Variants in IRS2 observed in about 807,000 individuals in gnomAD.
IRS2 encodes the protein insulin receptor substrate 2.
In IRS2, 28 loss-of-function variants were observed where a neutral mutation model predicts 70.9. The observed-to-expected ratio is 0.39, with a 90% confidence interval of 0.29 to 0.54. IRS2 has a LOEUF of 0.54. Among genes scored for constraint, IRS2 ranks in the 20% least tolerant of loss-of-function variants. The pLI is 0.59. For missense variants in IRS2, 2,081 were observed against 2,024.1 expected (o/e 1.03, Z -0.54); for synonymous variants, 1,217 against 981.9 (o/e 1.24, Z -4.48).
chr13:109,768,930 C>A (rs374384228), intron 1 of IRS2, among the ~76,000 whole-genome samples: 1 of 152,198 alleles, frequency 6.6e-6, no homozygotes, highest in Non-Finnish European at 1.5e-5. Context: ...TCCAACCCTA[C>A]GCATAGGTTA....
chr13:109,758,233 G>C (rs1037162543), intron 1 of IRS2, among the ~76,000 whole-genome samples: 9 of 150,974 alleles, frequency 6.0e-5, no homozygotes, highest in Non-Finnish European at 8.8e-5. Flanking sequence ...AAATGAGCTT[G>C]CATTTTGTCC....
Position 109,754,076 on chromosome 13 carries a change from C to T in IRS2, c.*2228G>A, listed in dbSNP as rs1005111670. On this transcript the variant is annotated 3_prime_UTR_variant, in exon 2 of 2. Transcript: ENST00000375856. ...AACATCTTGATATCCAGAAACAATA[C>T]GTACCCAAAAAGAAAACACTGTTTA... 7 of 230,924 alleles carry T rather than the reference C, an allele frequency of 3.0e-5. No individual in the cohort carries two copies. Among genetic ancestry groups the T allele is most frequent in the African/African-American group, 6.6e-5 (3 of 45,176 alleles). The allele number at this position is 230,924 out of a possible 1,614,324, so 14.3% of individuals were successfully genotyped here. A position where few individuals can be genotyped will look rare whatever the true frequency, so the allele number is the denominator to read the frequency against.
At chr13:109,768,986 C>T (rs538089203) in intron 1 of IRS2, among the ~76,000 whole-genome samples, 5 of 152,288 alleles carry the variant, frequency 3.3e-5, no homozygotes, top group Admixed American at 2.0e-4. Flanking sequence ...TTATAAGGTA[C>T]GCTACAAACG....
intron 1 of IRS2, among the ~76,000 whole-genome samples, chr13:109,778,876 C>T (rs1877636150): frequency 6.6e-6 from 1 of 152,128 alleles, no homozygotes; most frequent in South Asian, 2.1e-4. Context: ...AATCTACCAT[C>T]CTAACACAAA....
At chr13:109,771,222 T>A (rs746244165) in intron 1 of IRS2, among the ~76,000 whole-genome samples, 10 of 152,106 alleles carry the variant, frequency 6.6e-5, no homozygotes, top group Non-Finnish European at 1.5e-4. Context: ...TGTCTTTGCA[T>A]CAATGAATGC....
chr13:109,780,716 TAC>T (rs1038922213), intron 1 of IRS2, among the ~76,000 whole-genome samples: 6 of 152,238 alleles, frequency 3.9e-5, no homozygotes, highest in African/African-American at 1.4e-4. Context: ...GAAGACTGTT[TAC>T]ACCTTAGGCT....
chr13:109,782,957 G>A lies in IRS2; in HGVS notation c.3097C>T (p.Pro1033Ser), dbSNP rs1389895124. The A allele has an allele frequency of 7.1e-7, 1 of 1,416,330 alleles. No homozygotes were observed. Among genetic ancestry groups the A allele is most frequent in the Non-Finnish European group, 9.2e-7 (1 of 1,081,762 alleles). The allele number at this position is 1,416,330 out of a possible 1,614,324, so 87.7% of individuals were successfully genotyped here. A position where few individuals can be genotyped will look rare whatever the true frequency, so the allele number is the denominator to read the frequency against. The change falls in exon 1 of 2, where the codon CCA becomes TCA. Residue 1033 changes from proline to serine, a missense_variant. Around this residue, in one of 4 missense-constraint regions of IRS2, gnomAD observed 1,615 missense variants for 1,459.5 expected, o/e 1.11. Transcript: ENST00000375856. ...ASPSSSLQPP[P>S]PPPAPGELYR... Reference sequence around the variant, plus strand: ...AGCTCCCCCGGGGCCGGCGGCGGTGGCGGCGGCTGCAGAGACGACGACGGG... The same window carrying A: ...AGCTCCCCCGGGGCCGGCGGCGGTGACGGCGGCTGCAGAGACGACGACGGG...
At chr13:109,762,271 G>C (rs902447157) in intron 1 of IRS2, among the ~76,000 whole-genome samples, 1 of 152,234 alleles carries the variant, frequency 6.6e-6, no homozygotes, top group Non-Finnish European at 1.5e-5. Context: ...CAGTATCGAT[G>C]ATTCTTCTGC....
rs1261281041 is a variant in IRS2, at chr13:109,785,788, G to A, written c.266C>T (p.Pro89Leu). 1 of 1,584,642 alleles carries A rather than the reference G, an allele frequency of 6.3e-7. No individual in the cohort carries two copies. Among genetic ancestry groups the A allele is most frequent in the Non-Finnish European group, 8.5e-7 (1 of 1,173,022 alleles). ...EKKWRSKAGAPKRVIALDCCL... is the reference protein window; with the variant it reads ...EKKWRSKAGALKRVIALDCCL... ...GCAGTCGAGAGCGATCACCCGTTTC[G>A]GCGCGCCTGCCTTGCTCCGCCACTT... The change falls in exon 1 of 2, where the codon CCG becomes CTG. Residue 89 changes from proline (P) to leucine (L), a missense_variant. Transcript: ENST00000375856. The surrounding 1 kb of genome is among the most constrained non-coding windows in gnomAD (Gnocchi z 9.3).
rs2138935084 is a variant in IRS2 at position 109,784,193 on chromosome 13, G to A, written c.1861C>T (p.Pro621Ser). 3.8e-6 allele frequency: 6 copies of A among 1,576,262 alleles called. No homozygotes were observed. The highest frequency in any genetic ancestry group is 5.2e-6 in the Non-Finnish European group (6 of 1,162,496). Residue 621 changes from proline to serine, a missense_variant, in exon 1 of 2, where the codon CCC (proline) becomes TCC (serine). Transcript: ENST00000375856. This position sits in a 1 kb window ranked among gnomAD's most constrained non-coding sequence, Gnocchi z 5.2. ...GGGTAGGGGTGGTAGGCCACCTTGG[G>A]AGAGGACGCGGGGCAGGACGGGCAG... ...RLCPSCPASSPKVAYHPYPED... is the reference protein window; with the variant it reads ...RLCPSCPASSSKVAYHPYPED...
chr13:109,756,632 C>A (rs1207838425), intron 1 of IRS2, among the ~76,000 whole-genome samples: 1 of 152,160 alleles, frequency 6.6e-6, no homozygotes, highest in Admixed American at 6.5e-5. Context: ...GGGCCAGTTC[C>A]TAGGTTGCAC....
At chr13:109,767,278 C>T (rs1357155008) in intron 1 of IRS2, among the ~76,000 whole-genome samples, 2 of 152,128 alleles carry the variant, frequency 1.3e-5, no homozygotes, top group Non-Finnish European at 2.9e-5. Flanking sequence ...AGGCGGGCCA[C>T]ACCGGGAATG....
rs192876096 is a variant in IRS2 at position 109,759,469 on chromosome 13, C to T, written c.4013-3161G>A. On this transcript the variant is annotated intron_variant, in intron 1 of 1. Transcript: ENST00000375856. ...AGGCTGGAGCACACCTCAGATTGGA[C>T]CCAGATGACTAGGACCTGCCAGCCG... 3.3e-3 allele frequency among the ~76,000 whole-genome samples: 508 copies of T among 152,280 alleles called. 4 individuals carry two copies. The highest frequency in any genetic ancestry group is 5.4e-3 in the Non-Finnish European group (367 of 68,026).
rs1312537148 is a variant in IRS2, at chr13:109,755,961, A to G, written c.*343T>C. ...GGGTTATATCTGCTTTGCCAAAAGGAAAAGAAGAAGAAATTAAAAGACACT... is the reference window on the plus strand; with the variant it reads ...GGGTTATATCTGCTTTGCCAAAAGGGAAAGAAGAAGAAATTAAAAGACACT... On this transcript the variant is annotated 3_prime_UTR_variant, in exon 2 of 2. Transcript: ENST00000375856. 1 of 391,166 alleles carries G rather than the reference A, an allele frequency of 2.6e-6. No individual in the cohort carries two copies. The highest frequency in any genetic ancestry group is 4.0e-5 in the East Asian group (1 of 24,742). 24.2% of individuals were successfully genotyped at this position (391,166 alleles called of 1,614,324 possible).
chr13:109,782,001 C>T (rs1378340183), intron 1 of IRS2, 41 bp downstream of exon 1: 1 of 1,604,524 alleles, frequency 6.2e-7, no homozygotes, highest in African/African-American at 1.3e-5. Flanking sequence ...AGCGCCCCGC[C>T]CCTCCTTCCC....
chr13:109,764,149 T>C (rs1023447946), intron 1 of IRS2, among the ~76,000 whole-genome samples: 1 of 152,006 alleles, frequency 6.6e-6, no homozygotes, highest in African/African-American at 2.4e-5. Flanking sequence ...GTGCCCATTC[T>C]TCCTAATCGG....
chr13:109,779,339 G>A (rs1355036863), intron 1 of IRS2, among the ~76,000 whole-genome samples: 2 of 152,216 alleles, frequency 1.3e-5, no homozygotes, highest in African/African-American at 4.8e-5. Context: ...GGCAGGGCAG[G>A]GGGCCGCCCA....
At position 109,783,936 on chromosome 13, in the gene IRS2, C is replaced by T. The variant is rs1470858495; in HGVS notation, c.2118G>A (p.Gly706=). ...AAAAAAVPSA[G]PAGPAPTSAA... ...CAGAGGTGGGTGCTGGCCCCGCAGG[C>T]CCCGCAGAAGGCACGGCGGCGGCGG... Residue 706 remains glycine (G), a synonymous_variant, in exon 1 of 2, where the codon GGG becomes GGA. Coordinates refer to ENST00000375856, the MANE Select transcript of IRS2 (RefSeq NM_003749.3). 3 of 1,539,294 alleles carry T rather than the reference C, an allele frequency of 1.9e-6. No homozygotes were observed. Among genetic ancestry groups the T allele is most frequent in the Admixed American group, 2.0e-5 (1 of 50,696 alleles).
chr13:109,782,677 G>A lies in IRS2; in HGVS notation c.3377C>T (p.Pro1126Leu), dbSNP rs755666664. 12 of 1,575,826 alleles carry A rather than the reference G, an allele frequency of 7.6e-6. No individual in the cohort carries two copies. In the South Asian group the frequency reaches 9.2e-5, roughly 12 times the overall value. The change falls in exon 1 of 2, where the codon CCC becomes CTC. Residue 1126 changes from proline (P) to leucine (L), a missense_variant. Physicochemically the swap from Pro to Leu is moderately conservative, Grantham distance 98 (BLOSUM62 -3). This residue lies in a region of IRS2 where 1,615 missense variants were observed against 1,459.5 expected (regional missense o/e 1.11). Coordinates refer to ENST00000375856, the MANE Select transcript of IRS2 (RefSeq NM_003749.3). ...GVEAFLQASQ[P>L]PDPHRGAKVI... The stretch of plus-strand genomic sequence containing the variant: ...CTTGGCGCCGCGGTGGGGGTCCGGG[G>A]GCTGGCTGGCCTGCAGGAAGGCCTC...
Sources: gnomAD v4.1 joint callset for allele counts (sites outside exome capture counted in the v4.1 genomes callset) on GRCh38, gnomAD v4.1.1 for gene constraint, gnomAD v4.1.1 regional missense constraint, Gnocchi (gnomAD v3.1) non-coding constraint, MANE v1.5 for transcripts, NCBI Gene and HGNC (gene_info 2026-07-23, HGNC 2026-07-21) for gene names.